Variants in CADM2 observed in about 807,000 individuals in gnomAD.
CADM2 encodes the protein immunoglobulin superfamily member 4D.
Under a neutral mutation model 49.8 loss-of-function variants are expected in CADM2, and 12 were observed. The observed-to-expected ratio is 0.24, with a 90% CI of 0.15 to 0.39. CADM2 has a LOEUF of 0.39. Among genes scored for constraint, CADM2 ranks in the 10% least tolerant of loss-of-function variants. The pLI is 1.00. For synonymous variants in CADM2, 214 were observed against 175.4 expected, an observed-to-expected ratio of 1.22 and a Z score of -1.74; for missense variants, 378 against 492.3, an observed-to-expected ratio of 0.77 and a Z score of 2.20.
At chr3:85,658,784 C>T (rs1170726657) in intron 1 of CADM2, among the ~76,000 whole-genome samples, 1 of 150,352 alleles carries the variant, frequency 6.7e-6, no homozygotes, top group Non-Finnish European at 1.5e-5. Flanking sequence ...GACATGGTAA[C>T]ACACACCTGT....
At chr3:85,328,736 A>G (rs2044825713) in intron 1 of CADM2, among the ~76,000 whole-genome samples, 8 of 152,192 alleles carry the variant, frequency 5.3e-5, no homozygotes, top group Admixed American at 4.6e-4. Flanking sequence ...GATAGACTGC[A>G]CCTTGAAAAT....
chr3:85,290,174 G>A (rs530793388), intron 1 of CADM2, among the ~76,000 whole-genome samples: 2 of 152,276 alleles, frequency 1.3e-5, no homozygotes, highest in East Asian at 1.9e-4. Flanking sequence ...CAAAGAAAGG[G>A]GTGACAGGCA....
intron 1 of CADM2, among the ~76,000 whole-genome samples, chr3:85,320,162 C>T (rs530440998): frequency 6.6e-6 from 1 of 152,278 alleles, no homozygotes; most frequent in African/African-American, 2.4e-5. Flanking sequence ...CAGGGTGCTA[C>T]TGGCATTTAG....
intron 2 of CADM2, among the ~76,000 whole-genome samples, chr3:85,761,913 A>G (rs1350229051): frequency 1.3e-5 from 2 of 152,172 alleles, no homozygotes; most frequent in Non-Finnish European, 2.9e-5. Context: ...TCCAACAGGT[A>G]GGGAAATGAG....
chr3:85,812,144 A>G (rs536044121), intron 3 of CADM2, among the ~76,000 whole-genome samples: 1 of 152,262 alleles, frequency 6.6e-6, no homozygotes, highest in East Asian at 1.9e-4. Context: ...GGTGTGGTGG[A>G]AGGGATACAG....
At chr3:85,610,612 C>A (rs893299625) in intron 1 of CADM2, among the ~76,000 whole-genome samples, 4 of 151,882 alleles carry the variant, frequency 2.6e-5, no homozygotes, top group African/African-American at 9.7e-5. Context: ...AGAATCATCA[C>A]CAAGCAAACA....
Position 85,292,692 on chromosome 3 carries a change from G to T in CADM2, c.61+333024G>T, listed in dbSNP as rs2043835526. ...AACAACCTGCTCCTGAATGACTACT[G>T]GGTACATAACGAAATGAAGGCAGAA... On this transcript the variant is annotated intron_variant, in intron 1 of 9. Coordinates refer to ENST00000383699, the MANE Select transcript of CADM2 (RefSeq NM_001167675.2). Among the ~76,000 whole-genome samples, 3 of 151,768 alleles carry T rather than the reference G, an allele frequency of 2.0e-5. No individual in the cohort carries two copies. The South Asian group carries it at 6.2e-4, about 31-fold the overall frequency.
intron 1 of CADM2, among the ~76,000 whole-genome samples, chr3:85,405,728 A>G (rs2035340785): frequency 6.6e-6 from 1 of 151,888 alleles, no homozygotes; most frequent in Non-Finnish European, 1.5e-5. Context: ...ATTTTATTTT[A>G]AGTTTTGGAG....
chr3:85,750,724 G>A (rs753086680), intron 2 of CADM2, among the ~76,000 whole-genome samples: 18 of 151,932 alleles, frequency 1.2e-4, no homozygotes, highest in Admixed American at 2.6e-4. Flanking sequence ...GATGTCTGAT[G>A]TTGCTCTGGC....
chr3:86,000,443 C>G (rs1730037607), intron 8 of CADM2, among the ~76,000 whole-genome samples: 1 of 151,946 alleles, frequency 6.6e-6, no homozygotes, highest in Non-Finnish European at 1.5e-5. Context: ...GAATAAAGAG[C>G]AAGATGGATA....
chr3:85,696,009 C>A (rs762541882), intron 1 of CADM2, among the ~76,000 whole-genome samples: 1 of 151,944 alleles, frequency 6.6e-6, no homozygotes, highest in African/African-American at 2.4e-5. Flanking sequence ...GTTTGCATTT[C>A]CCTGATGATT....
intron 2 of CADM2, among the ~76,000 whole-genome samples, chr3:85,795,246 T>C (rs1443656649): frequency 6.6e-6 from 1 of 152,168 alleles, no homozygotes; most frequent in African/African-American, 2.4e-5. Context: ...ATGGAGACCT[T>C]GAACCATGAA....
intron 8 of CADM2, among the ~76,000 whole-genome samples, chr3:85,991,039 G>C (rs149287943): frequency 1.7e-3 from 263 of 152,272 alleles, no homozygotes; most frequent in African/African-American, 6.1e-3. Flanking sequence ...AGAGATGGGA[G>C]ATAAACCCTG....
At chr3:85,663,704 G>A (rs2065478507) in intron 1 of CADM2, among the ~76,000 whole-genome samples, 1 of 151,874 alleles carries the variant, frequency 6.6e-6, no homozygotes, top group African/African-American at 2.4e-5. Context: ...CTTCCCACAG[G>A]ATCTTTCTTA....
intron 1 of CADM2, among the ~76,000 whole-genome samples, chr3:84,968,801 G>T (rs2031202839): frequency 6.6e-6 from 1 of 152,026 alleles, no homozygotes; most frequent in Non-Finnish European, 1.5e-5. Flanking sequence ...ATCTTGCTAT[G>T]GTGGGATCTT....
intron 8 of CADM2, chr3:86,028,040 G>A (rs1016294566): frequency 1.5e-5 from 2 of 130,272 alleles, no homozygotes; most frequent in Non-Finnish European, 3.2e-5. Context: ...ATCACACACC[G>A]GGGCCTGTTG....
intron 1 of CADM2, among the ~76,000 whole-genome samples, chr3:85,277,130 C>A (rs1184074454): frequency 1.3e-5 from 2 of 151,208 alleles, no homozygotes; most frequent in African/African-American, 2.4e-5. Flanking sequence ...CAGGAATAGA[C>A]AGGAACTGAT....
At chr3:85,190,232 C>G (rs1423306123) in intron 1 of CADM2, among the ~76,000 whole-genome samples, 1 of 151,986 alleles carries the variant, frequency 6.6e-6, no homozygotes, top group Non-Finnish European at 1.5e-5. Context: ...AGGATACTTG[C>G]CCCCATGCCA....
intron 1 of CADM2, among the ~76,000 whole-genome samples, chr3:85,401,861 C>A (rs551378461): frequency 6.6e-6 from 1 of 152,216 alleles, no homozygotes; most frequent in East Asian, 1.9e-4. Context: ...ACCTGCCAAA[C>A]ACAGAACAGT....
Sources: gnomAD v4.1 joint callset for allele counts (sites outside exome capture counted in the v4.1 genomes callset) on GRCh38, gnomAD v4.1.1 for gene constraint, MANE v1.5 for transcripts, NCBI Gene and HGNC (gene_info 2026-07-23, HGNC 2026-07-21) for gene names.